CLEC18C: variants seen among roughly 807,000 people sequenced by gnomAD.
CLEC18C encodes the protein C-type lectin domain family 18 member C.
In CLEC18C, 2 loss-of-function variants were observed where a neutral mutation model predicts 27.2. The observed-to-expected ratio is 0.07, with a 90% CI of 0.03 to 0.23. The LOEUF is 0.23. CLEC18C is among the 10% of genes least tolerant of loss of function. CLEC18C has a pLI of 1.00. For missense variants in CLEC18C, 31 were observed against 269.0 expected (o/e 0.12, Z 6.19); for synonymous variants, 13 against 112.8 (o/e 0.12, Z 5.61).
rs199946379 is a variant in CLEC18C, at chr16:70,174,236, G to A, written c.-43G>A. ...AGCCTGAGAAACAAGCCGGGTGGCTGAGCCAGGCTGTGCACGGAGTGCCTG... is the reference window on the plus strand; with the variant it reads ...AGCCTGAGAAACAAGCCGGGTGGCTAAGCCAGGCTGTGCACGGAGTGCCTG... On this transcript the variant is annotated 5_prime_UTR_variant, in exon 2 of 13. Coordinates refer to ENST00000541793, the MANE Select transcript of CLEC18C (RefSeq NM_173619.4). 2.8e-5 allele frequency: 37 copies of A among 1,310,044 alleles called. 9 individuals carry two copies. Among genetic ancestry groups the A allele is most frequent in the Non-Finnish European group, 3.7e-5 (35 of 957,810 alleles). 81.2% of individuals were successfully genotyped at this position (1,310,044 alleles called of 1,614,324 possible). A position where few individuals can be genotyped will look rare whatever the true frequency, so the allele number is the denominator to read the frequency against.
intron 4 of CLEC18C, among the ~76,000 whole-genome samples, chr16:70,178,460 T>C (rs759270879): frequency 0.025 from 2,614 of 106,550 alleles, 44 homozygotes; most frequent in Non-Finnish European, 0.034. Context: ...TTTCACCATG[T>C]TGGCCAGGCT....
intron 12 of CLEC18C, among the ~76,000 whole-genome samples, 175 bp downstream of exon 12, chr16:70,186,151 G>T (rs1187142709): frequency 7.1e-6 from 1 of 140,126 alleles, no homozygotes; most frequent in African/African-American, 2.9e-5. Context: ...GCCCAGAGGG[G>T]CAACGACGGG....
rs367602497 is a variant in CLEC18C at position 70,185,929 on chromosome 16, G to A, written c.1256G>A (p.Trp419Ter). ...VELQASAAFNWNNQRCKTRNR... is the reference protein window; with the variant it reads ...VELQASAAFN ...CTGCAGGCTTCAGCTGCCTTCAACTGGAACAACCAGCGCTGCAAAACCCGA... is the reference window on the plus strand; with the variant it reads ...CTGCAGGCTTCAGCTGCCTTCAACTAGAACAACCAGCGCTGCAAAACCCGA... Residue 419 changes from tryptophan to a stop codon, truncating the protein, a stop_gained, in exon 12 of 13, where the codon TGG becomes TAG. Coordinates refer to ENST00000541793, the MANE Select transcript of CLEC18C (RefSeq NM_173619.4). LOFTEE classifies it high-confidence loss of function. The A allele has an allele frequency of 6.3e-6, 10 of 1,592,786 alleles. 3 individuals carry two copies. The African/African-American group carries it at 1.6e-4, about 26-fold the overall frequency.
rs1968197610 is a variant in CLEC18C, at chr16:70,174,435, G to T, written c.124+33G>T. 3 of 1,305,398 alleles carry T rather than the reference G, an allele frequency of 2.3e-6. No homozygotes were observed. The East Asian group carries it at 8.3e-5, about 36-fold the overall frequency. 80.9% of individuals were successfully genotyped at this position (1,305,398 alleles called of 1,614,324 possible). A position where few individuals can be genotyped will look rare whatever the true frequency, so the allele number is the denominator to read the frequency against. On this transcript the variant is annotated intron_variant, in intron 2 of 12. Coordinates refer to ENST00000541793, the MANE Select transcript of CLEC18C (RefSeq NM_173619.4). ...ACACCTGGTGAGGAGGTAGGTGGAG[G>T]CACCATTATGAGCTCTGAGGAGTGG...
intron 3 of CLEC18C, among the ~76,000 whole-genome samples, chr16:70,175,560 G>A (rs1597405565): frequency 7.6e-6 from 1 of 131,160 alleles, no homozygotes; most frequent in Non-Finnish European, 1.5e-5. Context: ...AGGGGCCGGG[G>A]GTCGGGGGTA....
At chr16:70,179,298 C>T (rs1373110596) in intron 4 of CLEC18C, among the ~76,000 whole-genome samples, 101 of 136,534 alleles carry the variant, frequency 7.4e-4, no homozygotes, top group South Asian at 7.3e-3. Flanking sequence ...CTTGCTCTGT[C>T]GCGCAGGCTA....
chr16:70,178,507 G>C (rs1370263667), intron 4 of CLEC18C, among the ~76,000 whole-genome samples: 6,738 of 80,564 alleles, frequency 0.084, 11 homozygotes, highest in African/African-American at 0.11. Flanking sequence ...ATCCACCTGC[G>C]TGGGCCTCCC....
chr16:70,174,261 G>A lies in CLEC18C; in HGVS notation c.-18G>A. On this transcript the variant is annotated 5_prime_UTR_variant, in exon 2 of 13. Coordinates refer to ENST00000541793, the MANE Select transcript of CLEC18C (RefSeq NM_173619.4). ...GAGCCAGGCTGTGCACGGAGTGCCTGACGGGCCCAACAGACCCATGCTGCA... is the reference window on the plus strand; with the variant it reads ...GAGCCAGGCTGTGCACGGAGTGCCTAACGGGCCCAACAGACCCATGCTGCA... 7.6e-7 allele frequency: 1 copy of A among 1,312,198 alleles called. No homozygotes were observed. Among genetic ancestry groups the A allele is most frequent in the Non-Finnish European group, 1.0e-6 (1 of 958,710 alleles). 81.3% of individuals were successfully genotyped at this position (1,312,198 alleles called of 1,614,324 possible). A position where few individuals can be genotyped will look rare whatever the true frequency, so the allele number is the denominator to read the frequency against.
intron 3 of CLEC18C, among the ~76,000 whole-genome samples, chr16:70,175,570 A>T (rs1238017604): frequency 7.7e-6 from 1 of 129,606 alleles, no homozygotes; most frequent in Non-Finnish European, 1.5e-5. Flanking sequence ...GGTCGGGGGT[A>T]TAGAGTTCCC....
chr16:70,177,337 C>G lies in CLEC18C; in HGVS notation c.313C>G (p.Gln105Glu), dbSNP rs1297391757. ...SLASGLWRTL[Q>E]VGWNMQLLPA... ...GGCGTCCGGCCTGTGGCGCACCCTGCAAGTGGGCTGGAACATGCAGCTGCT... is the reference window on the plus strand; with the variant it reads ...GGCGTCCGGCCTGTGGCGCACCCTGGAAGTGGGCTGGAACATGCAGCTGCT... The change falls in exon 4 of 13, where the codon CAA becomes GAA. Residue 105 changes from glutamine (Q) to glutamate (E), a missense_variant. Transcript: ENST00000541793. 1 of 1,610,892 alleles carries G rather than the reference C, an allele frequency of 6.2e-7. No individual in the cohort carries two copies. Among genetic ancestry groups the G allele is most frequent in the African/African-American group, 1.4e-5 (1 of 73,704 alleles).
In CLEC18C at chr16:70,173,840, C is replaced by T. The variant is rs561545353; in HGVS notation, c.-218C>T. ...TAGCCGAGGTCCTCCTCCCAGGGCCCGGGGCTGGGGAGCGGAAGCCATCAG... is the reference window on the plus strand; with the variant it reads ...TAGCCGAGGTCCTCCTCCCAGGGCCTGGGGCTGGGGAGCGGAAGCCATCAG... On this transcript the variant is annotated 5_prime_UTR_variant, in exon 1 of 13. Coordinates refer to ENST00000541793, the MANE Select transcript of CLEC18C (RefSeq NM_173619.4). 0.014 allele frequency: 2,624 copies of T among 189,546 alleles called. 45 individuals are homozygous for T. Among genetic ancestry groups the T allele is most frequent in the Middle Eastern group, 0.045 (21 of 462 alleles). The allele number at this position is 189,546 out of a possible 1,614,324, so 11.7% of individuals were successfully genotyped here.
chr16:70,186,831 T>C lies in CLEC18C; in HGVS notation c.*311T>C. On this transcript the variant is annotated 3_prime_UTR_variant, in exon 13 of 13. Transcript: ENST00000541793. ...GCTCTCTTCCACCTGGCCCAGACCC[T>C]GTGGGGCAGCGGAGCTTCCCTGTGG... 3 of 342,158 alleles carry C rather than the reference T, an allele frequency of 8.8e-6. No homozygotes were observed. Among genetic ancestry groups the C allele is most frequent in the Non-Finnish European group, 1.6e-5 (3 of 191,286 alleles). The allele number at this position is 342,158 out of a possible 1,614,324, so 21.2% of individuals were successfully genotyped here.
rs1483637820 is a variant in CLEC18C, at chr16:70,178,984, C to CA, written c.456+1511dup. On this transcript the variant is annotated intron_variant, in intron 4 of 12. Transcript: ENST00000541793. ...GCCACATGGAAAAAACCTGCCTCTA[C>CA]AAAAAAATACATAAATTACCCAGGT... Among the ~76,000 whole-genome samples, 3 of 73,136 alleles carry CA rather than the reference C, an allele frequency of 4.1e-5. No homozygotes were observed. In the East Asian group the frequency reaches 9.8e-4, roughly 24 times the overall value. The allele number at this position is 73,136 out of a possible 152,430, so 48.0% of individuals were successfully genotyped here. A position where few individuals can be genotyped will look rare whatever the true frequency, so the allele number is the denominator to read the frequency against.
At chr16:70,175,084 G>T in intron 3 of CLEC18C, 46 bp downstream of exon 3, 1 of 818,698 alleles carries the variant, frequency 1.2e-6, no homozygotes, top group Non-Finnish European at 1.7e-6. Context: ...GTGGCCGGAG[G>T]CGCGGACCCC....
intron 4 of CLEC18C, among the ~76,000 whole-genome samples, chr16:70,178,875 C>T (rs202190409): frequency 7.1e-5 from 4 of 56,170 alleles, no homozygotes; most frequent in East Asian, 4.0e-4. Flanking sequence ...AGGCTGGGTG[C>T]GGTGGCTCAC....
At chr16:70,176,289 C>G (rs1392650636) in intron 3 of CLEC18C, among the ~76,000 whole-genome samples, 1 of 144,666 alleles carries the variant, frequency 6.9e-6, no homozygotes, top group Non-Finnish European at 1.5e-5. Flanking sequence ...GAGGGGCCCC[C>G]CTCCCTGCAT....
intron 11 of CLEC18C, 35 bp from the exon 12 acceptor site, chr16:70,185,850 C>T (rs1272894803): frequency 6.6e-7 from 1 of 1,519,064 alleles, no homozygotes; most frequent in Non-Finnish European, 8.8e-7. Context: ...CCTGACTTCA[C>T]TCTTGCCTCC....
Position 70,177,433 on chromosome 16 carries a change from G to A in CLEC18C, c.409G>A (p.Ala137Thr), listed in dbSNP as rs137932955. The A allele has an allele frequency of 1.2e-5, 20 of 1,610,548 alleles. No homozygotes were observed. Among genetic ancestry groups the A allele is most frequent in the African/African-American group, 2.7e-5 (2 of 73,746 alleles). Residue 137 changes from alanine (A) to threonine (T), a missense_variant, in exon 4 of 13, where the codon GCG (alanine) becomes ACG (threonine). Physicochemically the swap from Ala to Thr is moderately conservative, Grantham distance 58. Coordinates refer to ENST00000541793, the MANE Select transcript of CLEC18C (RefSeq NM_173619.4). ...TGCAGAGGGGCAGCGGTACAGCCAC[G>A]CGGCAGGAGAGTGTGCTCGCAACGC... ...WFAEGQRYSHAAGECARNATC... is the reference protein window; with the variant it reads ...WFAEGQRYSHTAGECARNATC...
intron 3 of CLEC18C, among the ~76,000 whole-genome samples, chr16:70,176,204 TG>T (rs1238338262): frequency 9.9e-4 from 114 of 114,728 alleles, no homozygotes; most frequent in South Asian, 2.3e-3. Context: ...CCCCAGCTCC[TG>T]GCCCCAGCCT....
Sources: gnomAD v4.1 joint callset for allele counts (sites outside exome capture counted in the v4.1 genomes callset) on GRCh38, gnomAD v4.1.1 for gene constraint, MANE v1.5 for transcripts, NCBI Gene and HGNC (gene_info 2026-07-23, HGNC 2026-07-21) for gene names.